Variants in DLG2 observed in about 807,000 individuals in gnomAD.
The protein encoded by DLG2 is discs large MAGUK scaffold protein 2.
Under a neutral mutation model 132.5 loss-of-function variants are expected in DLG2, and 45 were observed. The observed-to-expected ratio is 0.34, with a 90% CI of 0.27 to 0.44. The LOEUF (loss-of-function observed/expected upper bound fraction) is 0.44. Among genes scored for constraint, DLG2 ranks in the 20% least tolerant of loss-of-function variants. The pLI is 1.00. For missense variants in DLG2, 1,045 were observed against 1,196.9 expected (o/e 0.87, Z 1.87); for synonymous variants, 424 against 419.6 (o/e 1.01, Z -0.13).
intron 18 of DLG2, among the ~76,000 whole-genome samples, chr11:83,673,706 G>A (rs2077224662): frequency 6.6e-6 from 1 of 152,154 alleles, no homozygotes; most frequent in South Asian, 2.1e-4. Context: ...GGTATCATAT[G>A]TGCTGTCCTG....
At chr11:84,194,268 C>G (rs951103287) in intron 8 of DLG2, among the ~76,000 whole-genome samples, 1 of 152,082 alleles carries the variant, frequency 6.6e-6, no homozygotes, top group African/African-American at 2.4e-5. Context: ...AGCCGTGGAC[C>G]CTTGCGGTCA....
At chr11:85,564,700 CCTT>C (rs980499523) in intron 3 of DLG2, among the ~76,000 whole-genome samples, 23 of 152,028 alleles carry the variant, frequency 1.5e-4, no homozygotes, top group African/African-American at 5.3e-4. Flanking sequence ...TCCAACTTCT[CCTT>C]CTTTTTCAAA....
chr11:83,937,485 G>A (rs1160898508), intron 14 of DLG2, among the ~76,000 whole-genome samples: 1 of 144,422 alleles, frequency 6.9e-6, no homozygotes, highest in Non-Finnish European at 1.5e-5. Flanking sequence ...TCCAGCCTGG[G>A]CGAAAGAGTG....
At chr11:85,421,327 C>T (rs538799846) in intron 3 of DLG2, among the ~76,000 whole-genome samples, 134 of 152,066 alleles carry the variant, frequency 8.8e-4, no homozygotes, top group African/African-American at 3.1e-3. Flanking sequence ...GTTGGAAATG[C>T]AGAAATCACA....
intron 9 of DLG2, among the ~76,000 whole-genome samples, chr11:84,113,600 T>G (rs1265583014): frequency 6.6e-6 from 1 of 152,202 alleles, no homozygotes; most frequent in Non-Finnish European, 1.5e-5. Flanking sequence ...ACTTAAACTT[T>G]TTTTTCTGAT....
intron 6 of DLG2, among the ~76,000 whole-genome samples, chr11:84,874,581 C>G (rs2086024924): frequency 6.6e-6 from 1 of 152,142 alleles, no homozygotes; most frequent in Non-Finnish European, 1.5e-5. Context: ...AGATTTATCT[C>G]TTAGAAATCT....
In DLG2 at chr11:84,335,270, G is replaced by A. The variant is rs1294822403; in HGVS notation, c.520-83979C>T. ...GAATGAAGGAACAGAGGGAGGAAGGGAGGGAGGGAGGAAAAGGTAGACAAC... is the reference window on the plus strand; with the variant it reads ...GAATGAAGGAACAGAGGGAGGAAGGAAGGGAGGGAGGAAAAGGTAGACAAC... On this transcript the variant is annotated intron_variant, in intron 7 of 27. Coordinates refer to ENST00000376104, the MANE Select transcript of DLG2 (RefSeq NM_001142699.3). Among the ~76,000 whole-genome samples the A allele has an allele frequency of 2.0e-5, 3 of 151,592 alleles. No individual in the cohort carries two copies. In the East Asian group the frequency reaches 5.8e-4, roughly 29 times the overall value.
intron 6 of DLG2, among the ~76,000 whole-genome samples, chr11:84,814,123 C>T (rs1348192599): frequency 1.3e-5 from 2 of 151,930 alleles, no homozygotes; most frequent in Non-Finnish European, 2.9e-5. Flanking sequence ...AGATTTTTTA[C>T]ATTTGTTTCT....
chr11:83,520,261 A>T (rs1183463401), intron 21 of DLG2, among the ~76,000 whole-genome samples: 1 of 152,208 alleles, frequency 6.6e-6, no homozygotes, highest in African/African-American at 2.4e-5. Context: ...AAAAGTTCTC[A>T]CTTTGTAGTT....
intron 18 of DLG2, among the ~76,000 whole-genome samples, chr11:83,745,186 T>C (rs1593495141): frequency 1.3e-5 from 2 of 152,328 alleles, no homozygotes; most frequent in Non-Finnish European, 2.9e-5. Context: ...GTGTTTGTGA[T>C]GCATTCTGTA....
intron 5 of DLG2, among the ~76,000 whole-genome samples, chr11:85,152,244 A>ATTT (rs200542714): frequency 0.019 from 2,828 of 145,872 alleles, 46 homozygotes; most frequent in Admixed American, 0.036. Context: ...TTATTTATTA[A>ATTT]TTTTTTTTTT....
At chr11:85,479,254 T>A (rs546410252) in intron 3 of DLG2, among the ~76,000 whole-genome samples, 2 of 152,186 alleles carry the variant, frequency 1.3e-5, no homozygotes, top group African/African-American at 4.8e-5. Flanking sequence ...AAGTCCAATA[T>A]CATGGCAAAG....
intron 21 of DLG2, among the ~76,000 whole-genome samples, chr11:83,498,774 C>A (rs1591892873): frequency 1.4e-5 from 2 of 143,400 alleles, no homozygotes; most frequent in African/African-American, 5.1e-5. Flanking sequence ...GAAGAAAAAT[C>A]TTTTTTTTTT....
intron 6 of DLG2, among the ~76,000 whole-genome samples, chr11:84,666,643 G>T (rs1396900747): frequency 6.6e-6 from 1 of 151,822 alleles, no homozygotes; most frequent in Non-Finnish European, 1.5e-5. Flanking sequence ...TATGCAATTG[G>T]ATGTGTGTAT....
chr11:84,988,529 T>C (rs1005469280), intron 6 of DLG2, among the ~76,000 whole-genome samples: 6 of 152,226 alleles, frequency 3.9e-5, no homozygotes, highest in African/African-American at 7.2e-5. Context: ...TATGATGGAA[T>C]GCTACTCAGC....
chr11:85,314,196 G>A (rs142902861), intron 3 of DLG2, among the ~76,000 whole-genome samples: 22 of 151,904 alleles, frequency 1.4e-4, no homozygotes, highest in African/African-American at 5.1e-4. Flanking sequence ...TTTCTGGATA[G>A]TATAGGAGAT....
chr11:85,135,867 A>G (rs1402585406), intron 5 of DLG2, among the ~76,000 whole-genome samples: 1 of 152,336 alleles, frequency 6.6e-6, no homozygotes, highest in Admixed American at 6.5e-5. Flanking sequence ...ATAAAAAACT[A>G]TAATACCGTA....
At chr11:83,772,684 G>A (rs1594096702) in intron 18 of DLG2, among the ~76,000 whole-genome samples, 2 of 152,162 alleles carry the variant, frequency 1.3e-5, no homozygotes, top group Non-Finnish European at 2.9e-5. Context: ...TAGGCATGAA[G>A]AGCAGGTGTC....
At chr11:84,398,391 C>T (rs2098818118) in intron 7 of DLG2, among the ~76,000 whole-genome samples, 1 of 152,108 alleles carries the variant, frequency 6.6e-6, no homozygotes, top group South Asian at 2.1e-4. Context: ...AAGTAGAGCT[C>T]ATACTGGTAT....
Sources: allele counts gnomAD v4.1 joint callset (sites outside exome capture counted in the v4.1 genomes callset), GRCh38; gene constraint gnomAD v4.1.1; transcripts MANE v1.5; gene names NCBI Gene and HGNC (gene_info 2026-07-23, HGNC 2026-07-21).